Variants in SEZ6L observed in about 807,000 individuals in gnomAD.
SEZ6L encodes the protein seizure related 6 homolog like.
In SEZ6L, 37 loss-of-function variants were observed where a neutral mutation model predicts 106.2. That is an observed-to-expected ratio of 0.35 (90% CI 0.27 to 0.46). The LOEUF is 0.46. Among genes scored for constraint, SEZ6L ranks in the 20% least tolerant of loss-of-function variants. SEZ6L has a pLI of 1.00. For missense variants in SEZ6L, 1,172 were observed against 1,332.8 expected (o/e 0.88, Z 1.88); for synonymous variants, 541 against 570.4 (o/e 0.95, Z 0.73).
chr22:26,290,302 C>G lies in SEZ6L; in HGVS notation c.95-2104C>G, dbSNP rs556060582. Among the ~76,000 whole-genome samples the G allele has an allele frequency of 1.2e-4, 19 of 152,218 alleles. No individual in the cohort carries two copies. In the East Asian group the frequency reaches 2.3e-3, roughly 19 times the overall value. ...ATCCCAGCACTTTGGGAGGCCGAGG[C>G]GGGTGGATCACGAGGTCAGGAGATC... On this transcript the variant is annotated intron_variant, in intron 1 of 16. Transcript: ENST00000248933.
chr22:26,348,652 A>AAG (rs1297008643), intron 11 of SEZ6L, among the ~76,000 whole-genome samples: 7 of 44,844 alleles, frequency 1.6e-4, no homozygotes, highest in African/African-American at 6.0e-4. Flanking sequence ...AAGAAAAAGA[A>AAG]AGAAAGAAAG....
At chr22:26,251,858 C>T (rs1290800373) in intron 1 of SEZ6L, among the ~76,000 whole-genome samples, 2 of 152,140 alleles carry the variant, frequency 1.3e-5, no homozygotes, top group African/African-American at 4.8e-5. Context: ...TGTGTGTGGC[C>T]ACTCATCCCC....
At chr22:26,247,640 A>C (rs560860208) in intron 1 of SEZ6L, among the ~76,000 whole-genome samples, 2 of 152,286 alleles carry the variant, frequency 1.3e-5, no homozygotes, top group South Asian at 4.1e-4. Context: ...CAGAAAAGAC[A>C]TGGCCCTCCT....
chr22:26,201,382 C>CAAAAATACA (rs746847898), intron 1 of SEZ6L, among the ~76,000 whole-genome samples: 4 of 75,312 alleles, frequency 5.3e-5, no homozygotes, highest in African/African-American at 1.7e-4. Context: ...TACAAAAATA[C>CAAAAATACA]AAAAAAAAAA....
intron 12 of SEZ6L, among the ~76,000 whole-genome samples, chr22:26,362,217 A>G (rs948093065): frequency 6.6e-6 from 1 of 152,200 alleles, no homozygotes; most frequent in Non-Finnish European, 1.5e-5. Flanking sequence ...AGGCTTTGTG[A>G]TTTGATTCTG....
chr22:26,255,374 A>G (rs1405826943), intron 1 of SEZ6L, among the ~76,000 whole-genome samples: 1 of 152,326 alleles, frequency 6.6e-6, no homozygotes, highest in Admixed American at 6.5e-5. Flanking sequence ...GCCTTCATAG[A>G]GAAGAAGAAT....
At chr22:26,345,319 G>A (rs1294757916) in intron 10 of SEZ6L, among the ~76,000 whole-genome samples, 1 of 152,198 alleles carries the variant, frequency 6.6e-6, no homozygotes, top group South Asian at 2.1e-4. Context: ...CTTCTACATC[G>A]TGGCAGCAAC....
intron 5 of SEZ6L, among the ~76,000 whole-genome samples, chr22:26,300,069 T>C (rs1014621192): frequency 1.3e-5 from 2 of 152,348 alleles, no homozygotes; most frequent in African/African-American, 4.8e-5. Flanking sequence ...ATTTCCCTGA[T>C]GATTAATGAT....
intron 14 of SEZ6L, among the ~76,000 whole-genome samples, 155 bp from the exon 15 acceptor site, chr22:26,375,420 T>G (rs622654): frequency 0.15 from 22,112 of 151,888 alleles, 2,044 homozygotes; most frequent in Non-Finnish European, 0.21. Context: ...CACCATTTCC[T>G]CTAGTCTTTG....
chr22:26,286,835 C>T (rs1201517714), intron 1 of SEZ6L, among the ~76,000 whole-genome samples: 1 of 151,328 alleles, frequency 6.6e-6, no homozygotes, highest in Non-Finnish European at 1.5e-5. Flanking sequence ...GCCACCTCCA[C>T]CTTCTGGGTT....
intron 1 of SEZ6L, among the ~76,000 whole-genome samples, chr22:26,186,828 A>T (rs1488181853): frequency 6.6e-6 from 1 of 152,222 alleles, no homozygotes; most frequent in East Asian, 1.9e-4. Context: ...CCTATAGGGC[A>T]GGGAGGACTT....
At chr22:26,208,620 T>C (rs1941413822) in intron 1 of SEZ6L, among the ~76,000 whole-genome samples, 1 of 152,100 alleles carries the variant, frequency 6.6e-6, no homozygotes, top group African/African-American at 2.4e-5. Flanking sequence ...GTATATGATA[T>C]GTTTGTTTTC....
intron 1 of SEZ6L, among the ~76,000 whole-genome samples, chr22:26,240,011 A>C (rs1460744095): frequency 6.6e-6 from 1 of 151,474 alleles, no homozygotes. Flanking sequence ...CTTGAGCTGC[A>C]AATATCAATT....
chr22:26,206,290 C>G (rs1280151144), intron 1 of SEZ6L, among the ~76,000 whole-genome samples: 1 of 152,224 alleles, frequency 6.6e-6, no homozygotes, highest in Non-Finnish European at 1.5e-5. Context: ...TCCAGAACCA[C>G]CTCCTTTACC....
At chr22:26,373,206 T>C (rs1370064157) in intron 13 of SEZ6L, among the ~76,000 whole-genome samples, 1 of 152,214 alleles carries the variant, frequency 6.6e-6, no homozygotes, top group Non-Finnish European at 1.5e-5. Context: ...CGGTGAGTGT[T>C]CAGTAATTAT....
At chr22:26,251,213 T>G (rs2079566931) in intron 1 of SEZ6L, among the ~76,000 whole-genome samples, 1 of 152,248 alleles carries the variant, frequency 6.6e-6, no homozygotes, top group African/African-American at 2.4e-5. Flanking sequence ...CAGCCTTGTC[T>G]TGTTCTAGTT....
intron 1 of SEZ6L, among the ~76,000 whole-genome samples, chr22:26,194,636 G>T (rs1013342665): frequency 9.9e-5 from 15 of 152,222 alleles, no homozygotes; most frequent in African/African-American, 3.6e-4. Context: ...TCATGGGGAA[G>T]AGATGTTCCT....
intron 4 of SEZ6L, among the ~76,000 whole-genome samples, chr22:26,297,755 C>T (rs561612370): frequency 1.3e-5 from 2 of 151,754 alleles, no homozygotes; most frequent in East Asian, 3.9e-4. Context: ...CTTCTCCTCC[C>T]TCTTTGCTTG....
chr22:26,232,749 A>G (rs541441747), intron 1 of SEZ6L, among the ~76,000 whole-genome samples: 1 of 152,334 alleles, frequency 6.6e-6, no homozygotes, highest in East Asian at 1.9e-4. Flanking sequence ...TCTCATGGTC[A>G]CACAACCACA....
Sources: allele counts gnomAD v4.1 joint callset (sites outside exome capture counted in the v4.1 genomes callset), GRCh38; gene constraint gnomAD v4.1.1; transcripts MANE v1.5; gene names NCBI Gene and HGNC (gene_info 2026-07-23, HGNC 2026-07-21).